The following CAST variants were observed in gnomAD, a reference collection of about 807,000 sequenced individuals.
CAST encodes MIR583 host.
A neutral mutation model predicts 119.6 loss-of-function variants in CAST; 76 were observed. The ratio of observed to expected loss-of-function variants is 0.64; its 90% CI spans 0.53 to 0.77. The LOEUF (loss-of-function observed/expected upper bound fraction) is 0.77. Ranked by LOEUF, CAST falls within the 30% of genes least tolerant of loss-of-function variation. The pLI is 0.00. For missense variants in CAST, 953 were observed against 946.5 expected, an observed-to-expected ratio of 1.01 and a Z score of -0.09; for synonymous variants, 319 against 331.6, an observed-to-expected ratio of 0.96 and a Z score of 0.41.
the CAST span, among the ~76,000 whole-genome samples, chr5:96,171,986 G>T: frequency 6.8e-6 from 1 of 147,704 alleles, no homozygotes; most frequent in African/African-American, 2.5e-5. Context: ...ACTCACATCC[G>T]TGTGAAGAGA....
At chr5:96,669,018 T>G (rs1488653639) in intron 1 of CAST, among the ~76,000 whole-genome samples, 3 of 152,154 alleles carry the variant, frequency 2.0e-5, no homozygotes, top group Non-Finnish European at 4.4e-5. Flanking sequence ...ACCCACCACC[T>G]CTAGTCTCCT....
chr5:96,341,659 T>C, the CAST span, among the ~76,000 whole-genome samples: 11 of 152,106 alleles, frequency 7.2e-5, no homozygotes, highest in Non-Finnish European at 1.5e-4. Flanking sequence ...AACTTTCAGA[T>C]AATGACTTCA....
the CAST span, among the ~76,000 whole-genome samples, chr5:96,373,228 G>C: frequency 6.6e-6 from 1 of 152,166 alleles, no homozygotes; most frequent in African/African-American, 2.4e-5. Context: ...CCTGTGAAAA[G>C]CAATTAAGGC....
At chr5:96,419,995 C>T in the CAST span, among the ~76,000 whole-genome samples, 1 of 151,926 alleles carries the variant, frequency 6.6e-6, no homozygotes, top group Non-Finnish European at 1.5e-5. Context: ...CTGGAAGGAC[C>T]GTATACTGCC....
At chr5:96,052,084 A>T in the CAST span, among the ~76,000 whole-genome samples, 8 of 152,198 alleles carry the variant, frequency 5.3e-5, no homozygotes, top group Admixed American at 4.6e-4. Flanking sequence ...TGCTGATATC[A>T]TTGTTTGAGT....
the CAST span, among the ~76,000 whole-genome samples, chr5:96,138,558 G>C: frequency 3.0e-4 from 45 of 152,128 alleles, no homozygotes; most frequent in African/African-American, 1.0e-3. Flanking sequence ...TACAGGCCAA[G>C]TTGGGAAGAA....
chr5:96,381,965 A>G, the CAST span, among the ~76,000 whole-genome samples: 1 of 152,244 alleles, frequency 6.6e-6, no homozygotes, highest in East Asian at 1.9e-4. Flanking sequence ...CTGATGGCAT[A>G]TAATGTGGCG....
chr5:96,125,118 C>T, the CAST span, among the ~76,000 whole-genome samples: 3 of 152,272 alleles, frequency 2.0e-5, no homozygotes, highest in Middle Eastern at 6.8e-3. Flanking sequence ...CCAAATGAGA[C>T]TCTGATTCTA....
chr5:96,219,561 T>A, the CAST span, among the ~76,000 whole-genome samples: 1 of 152,114 alleles, frequency 6.6e-6, no homozygotes, highest in Non-Finnish European at 1.5e-5. Context: ...ATCCCAGCAC[T>A]TCGGGAGGTT....
intron 1 of CAST, among the ~76,000 whole-genome samples, chr5:96,534,837 GA>G (rs1745772235): frequency 7.6e-6 from 1 of 131,410 alleles, no homozygotes; most frequent in East Asian, 2.4e-4. Flanking sequence ...AAGAAGGAAA[GA>G]AGGAAGGAAG....
At chr5:96,377,444 G>T in the CAST span, among the ~76,000 whole-genome samples, 2 of 151,652 alleles carry the variant, frequency 1.3e-5, no homozygotes, top group Admixed American at 1.3e-4. Context: ...CTTTTATACT[G>T]CATTTTAACC....
chr5:96,578,995 T>C (rs1394366457), intron 1 of CAST, among the ~76,000 whole-genome samples: 1 of 152,190 alleles, frequency 6.6e-6, no homozygotes, highest in Non-Finnish European at 1.5e-5. Flanking sequence ...TTCCTGCCAG[T>C]ATTGCTTGAA....
At chr5:96,112,885 T>C in the CAST span, among the ~76,000 whole-genome samples, 12 of 152,356 alleles carry the variant, frequency 7.9e-5, no homozygotes, top group South Asian at 2.5e-3. Flanking sequence ...GGTTCATTGC[T>C]GCTGTCCAGC....
the CAST span, among the ~76,000 whole-genome samples, chr5:96,113,203 A>G: frequency 1.3e-5 from 2 of 152,192 alleles, no homozygotes; most frequent in Non-Finnish European, 2.9e-5. Context: ...TTCAGGGCAA[A>G]GATGTGGAAT....
chr5:96,202,570 G>T, the CAST span, among the ~76,000 whole-genome samples: 86 of 152,104 alleles, frequency 5.7e-4, no homozygotes, highest in Middle Eastern at 6.8e-3. Context: ...ATACAAATTA[G>T]CAAAACAAAA....
At chr5:96,296,563 G>A in the CAST span, among the ~76,000 whole-genome samples, 86 of 152,302 alleles carry the variant, frequency 5.6e-4, no homozygotes, top group African/African-American at 2.0e-3. Flanking sequence ...ATAGAGGATA[G>A]GTCTTTGCTA....
At chr5:96,099,897 G>T in the CAST span, among the ~76,000 whole-genome samples, 2 of 152,178 alleles carry the variant, frequency 1.3e-5, no homozygotes, top group African/African-American at 2.4e-5. Flanking sequence ...AGTTTCAGTA[G>T]GAATGGTACC....
At chr5:96,377,038 GAT>G in the CAST span, among the ~76,000 whole-genome samples, 2 of 151,914 alleles carry the variant, frequency 1.3e-5, no homozygotes, top group Non-Finnish European at 2.9e-5. Context: ...AAATAAAATA[GAT>G]AAAAATTTTA....
chr5:96,617,788 T>C (rs559740471), intron 1 of CAST, among the ~76,000 whole-genome samples: 5 of 16,734 alleles, frequency 3.0e-4, no homozygotes, highest in African/African-American at 1.1e-3. Flanking sequence ...CAAAATTCCA[T>C]CTAAAAAAAA....
Sources: allele counts gnomAD v4.1 joint callset (sites outside exome capture counted in the v4.1 genomes callset), GRCh38; gene constraint gnomAD v4.1.1; transcripts MANE v1.5; gene names NCBI Gene and HGNC (gene_info 2026-07-23, HGNC 2026-07-21).